SLC5A12: variants seen among roughly 807,000 people sequenced by gnomAD.
SLC5A12 encodes the protein solute carrier family 5 member 12.
In SLC5A12, 46 loss-of-function variants were observed where a neutral mutation model predicts 72.7. The ratio of observed to expected loss-of-function variants is 0.63; its 90% confidence interval spans 0.50 to 0.81. SLC5A12 has a LOEUF of 0.81. Among genes scored for constraint, SLC5A12 ranks in the 30% least tolerant of loss-of-function variants. The pLI is 0.00. For synonymous variants in SLC5A12, 275 were observed against 264.4 expected (o/e 1.04, Z -0.39); for missense variants, 683 against 740.7 (o/e 0.92, Z 0.90).
chr11:26,715,132 A>G (rs1157133303), intron 1 of SLC5A12, among the ~76,000 whole-genome samples: 3 of 152,120 alleles, frequency 2.0e-5, no homozygotes, highest in Non-Finnish European at 4.4e-5. Context: ...TGGATGTTGT[A>G]TGGATCAGAT....
chr11:26,699,297 C>T (rs1272880089), intron 6 of SLC5A12, among the ~76,000 whole-genome samples: 1 of 152,146 alleles, frequency 6.6e-6, no homozygotes, highest in Non-Finnish European at 1.5e-5. Flanking sequence ...CCGCAGGAGG[C>T]CAAGAGAGCA....
At chr11:26,682,879 G>A (rs921991591) in intron 11 of SLC5A12, among the ~76,000 whole-genome samples, 1 of 152,004 alleles carries the variant, frequency 6.6e-6, no homozygotes, top group Admixed American at 6.6e-5. Flanking sequence ...GTGCTGCAAA[G>A]ACCCGAATGC....
chr11:26,690,646 TAAA>T (rs747754564), intron 9 of SLC5A12, among the ~76,000 whole-genome samples: 2 of 92,770 alleles, frequency 2.2e-5, no homozygotes, highest in Non-Finnish European at 2.2e-5. Flanking sequence ...CCACCTCTAC[TAAA>T]AAAAAAAAAA....
chr11:26,675,517 CTA>C lies in SLC5A12; in HGVS notation c.1580-1990_1580-1989del, dbSNP rs748525124. On this transcript the variant is annotated intron_variant, in intron 13 of 14. Coordinates refer to ENST00000396005, the MANE Select transcript of SLC5A12 (RefSeq NM_178498.4). ...GGTTGAAACCAAGTTCGTCAAGAGA[CTA>C]CAGGACTGTAGACATACTAGGTGAG... Among the ~76,000 whole-genome samples the C allele has an allele frequency of 1.1e-4, 16 of 152,034 alleles. 1 individual carries two copies. Among genetic ancestry groups the C allele is most frequent in the Non-Finnish European group, 2.2e-4 (15 of 68,016 alleles).
At position 26,679,242 on chromosome 11, in the gene SLC5A12, A is replaced by G. The variant is rs1854335277; in HGVS notation, c.1476-427T>C. Among the ~76,000 whole-genome samples the G allele has an allele frequency of 2.0e-5, 3 of 152,188 alleles. No homozygotes were observed. In the South Asian group the frequency reaches 6.2e-4, roughly 32 times the overall value. On this transcript the variant is annotated intron_variant, in intron 12 of 14. Coordinates refer to ENST00000396005, the MANE Select transcript of SLC5A12 (RefSeq NM_178498.4). ...GTTTTGCCTCAGTAGAAAAGGTATA[A>G]AATACTATGGCAGCCTTCAGAGTAG...
Position 26,673,669 on chromosome 11 carries a change from A to G in SLC5A12, c.1580-140T>C, listed in dbSNP as rs76931810. The G allele has an allele frequency of 1.4e-3, 1,622 of 1,137,526 alleles. 19 individuals carry two copies. The African/African-American group carries it at 0.023, about 16-fold the overall frequency. 70.5% of individuals were successfully genotyped at this position (1,137,526 alleles called of 1,614,324 possible). Reference sequence around the variant, plus strand: ...AAGATTGAGTGGTTAATAAACAGAAATTGGTTAACTGCTGAAAGGGGTGGG... The same window carrying G: ...AAGATTGAGTGGTTAATAAACAGAAGTTGGTTAACTGCTGAAAGGGGTGGG... On this transcript the variant is annotated intron_variant, in intron 13 of 14. Transcript: ENST00000396005.
rs1218181551 is a variant in SLC5A12 at position 26,678,826 on chromosome 11, C to T, written c.1476-11G>A. 6.3e-7 allele frequency: 1 copy of T among 1,579,412 alleles called. No individual in the cohort carries two copies. The highest frequency in any genetic ancestry group is 1.7e-5 in the Admixed American group (1 of 58,924). The stretch of plus-strand genomic sequence containing the variant: ...TCAGCTATTCCAGGTCTGTGGAGAA[C>T]AGCACATGTCACCAATTCCATGCAT... On this transcript the variant is annotated splice_polypyrimidine_tract_variant and intron_variant, in intron 12 of 14. Coordinates refer to ENST00000396005, the MANE Select transcript of SLC5A12 (RefSeq NM_178498.4).
intron 1 of SLC5A12, among the ~76,000 whole-genome samples, chr11:26,719,823 C>G (rs1382060885): frequency 6.6e-6 from 1 of 152,132 alleles, no homozygotes; most frequent in East Asian, 1.9e-4. Flanking sequence ...TTTACTTTTT[C>G]TCCATTTGTT....
rs1466929771 is a variant in SLC5A12, at chr11:26,669,837, C to T, written c.*1265G>A. 6.6e-6 allele frequency: 1 copy of T among 152,062 alleles called. No individual in the cohort carries two copies. The highest frequency in any genetic ancestry group is 1.5e-5 in the Non-Finnish European group (1 of 67,984). 9.4% of individuals were successfully genotyped at this position (152,062 alleles called of 1,614,324 possible). A position where few individuals can be genotyped will look rare whatever the true frequency, so the allele number is the denominator to read the frequency against. ...TAACACACTGTTTCTAGGCCTTTTG[C>T]TTTTATCTGGCCACCAAAATAAATA... is the stretch of plus-strand genomic sequence containing the variant. On this transcript the variant is annotated 3_prime_UTR_variant, in exon 15 of 15. Coordinates refer to ENST00000396005, the MANE Select transcript of SLC5A12 (RefSeq NM_178498.4).
At chr11:26,675,961 G>A (rs1447233482) in intron 13 of SLC5A12, among the ~76,000 whole-genome samples, 2 of 118,138 alleles carry the variant, frequency 1.7e-5, no homozygotes, top group African/African-American at 3.0e-5. Flanking sequence ...GTGTGTGTGT[G>A]CATGTATCTG....
intron 13 of SLC5A12, among the ~76,000 whole-genome samples, chr11:26,674,560 C>T (rs1006548403): frequency 1.3e-5 from 2 of 151,874 alleles, no homozygotes; most frequent in East Asian, 1.9e-4. Context: ...CTACCATGCC[C>T]GGCTAATTTT....
rs749683814 is a variant in SLC5A12 at position 26,671,071 on chromosome 11, C to CGT, written c.*29_*30dup. On this transcript the variant is annotated 3_prime_UTR_variant, in exon 15 of 15. Transcript: ENST00000396005. ...TTTGTGTGTGTGTGTGTGTATTGCA[C>CGT]GTGTGTGTGTGCATTCATACAGGTA... 166 of 1,516,206 alleles carry CGT rather than the reference C, an allele frequency of 1.1e-4. No individual in the cohort carries two copies. The highest frequency in any genetic ancestry group is 1.2e-4 in the Non-Finnish European group (132 of 1,120,820). 93.9% of individuals were successfully genotyped at this position (1,516,206 alleles called of 1,614,324 possible).
At chr11:26,691,289 T>G (rs1289976009) in intron 9 of SLC5A12, among the ~76,000 whole-genome samples, 1 of 152,092 alleles carries the variant, frequency 6.6e-6, no homozygotes, top group Non-Finnish European at 1.5e-5. Context: ...GCACACAAAA[T>G]ATATATCAAC....
chr11:26,705,978 A>ACT (rs1554994879), intron 4 of SLC5A12, among the ~76,000 whole-genome samples: 24 of 138,190 alleles, frequency 1.7e-4, no homozygotes, highest in Non-Finnish European at 3.1e-4. Context: ...ACACACACAC[A>ACT]CTTACCTTCT....
At position 26,669,155 on chromosome 11, in the gene SLC5A12, C is replaced by A. The variant is rs76831336; in HGVS notation, c.*1947G>T. ...TTTTATTCTTTCTGTCTCTCTCTTC[C>A]TCTTCCTGTCTTTTTCTTTCTTTCT... On this transcript the variant is annotated 3_prime_UTR_variant, in exon 15 of 15. Coordinates refer to ENST00000396005, the MANE Select transcript of SLC5A12 (RefSeq NM_178498.4). 1 of 72,236 alleles carries A rather than the reference C, an allele frequency of 1.4e-5. No homozygotes were observed. Among genetic ancestry groups the A allele is most frequent in the African/African-American group, 3.6e-5 (1 of 27,860 alleles). The allele number at this position is 72,236 out of a possible 1,614,324, so 4.5% of individuals were successfully genotyped here.
chr11:26,707,688 T>C (rs748328235), intron 4 of SLC5A12, among the ~76,000 whole-genome samples: 21 of 152,194 alleles, frequency 1.4e-4, no homozygotes, highest in Non-Finnish European at 2.2e-4. Context: ...TGCATATCTA[T>C]TCTCTTATTC....
chr11:26,694,405 A>AGAGT (rs1565192850), intron 8 of SLC5A12, among the ~76,000 whole-genome samples: 4 of 152,062 alleles, frequency 2.6e-5, no homozygotes, highest in African/African-American at 7.2e-5. Context: ...CAGTCTGGAG[A>AGAGT]GAGTGAGCCT....
chr11:26,694,820 A>G (rs2133176823), intron 8 of SLC5A12, among the ~76,000 whole-genome samples: 1 of 152,312 alleles, frequency 6.6e-6, no homozygotes, highest in Middle Eastern at 3.4e-3. Context: ...CATGCATTTT[A>G]TTCTTCTACT....
chr11:26,687,365 G>A (rs1854561967), intron 9 of SLC5A12, among the ~76,000 whole-genome samples: 1 of 152,162 alleles, frequency 6.6e-6, no homozygotes, highest in Admixed American at 6.6e-5. Flanking sequence ...GAGACACAGT[G>A]TCAGAAATGG....
Sources: allele counts gnomAD v4.1 joint callset (sites outside exome capture counted in the v4.1 genomes callset), GRCh38; gene constraint gnomAD v4.1.1; transcripts MANE v1.5; gene names NCBI Gene and HGNC (gene_info 2026-07-23, HGNC 2026-07-21).